The following TMEM67 variants were observed in gnomAD, a reference collection of about 807,000 sequenced individuals.
TMEM67 encodes meckelin.
TMEM67 carries 124 observed loss-of-function variants against 136.6 expected under a neutral mutation model. The observed-to-expected ratio is 0.91, with a 90% CI of 0.78 to 1.05. The LOEUF is 1.05. TMEM67 is among the 50% of genes least tolerant of loss of function. TMEM67 has a pLI of 0.00. For missense variants in TMEM67, 1,107 were observed against 1,178.4 expected (o/e 0.94, Z 0.89); for synonymous variants, 364 against 390.5 (o/e 0.93, Z 0.80).
intron 26 of TMEM67, 159 bp downstream of exon 26, chr8:93,810,046 G>C: frequency 2.1e-6 from 1 of 477,432 alleles, no homozygotes; most frequent in South Asian, 2.5e-5. Flanking sequence ...TCAGCTTACT[G>C]CAAGCTCCGC....
chr8:93,765,780 A>G (rs1315477798), intron 6 of TMEM67, 134 bp downstream of exon 6: 19 of 707,174 alleles, frequency 2.7e-5, no homozygotes, highest in Middle Eastern at 3.7e-4. Flanking sequence ...TCTAAGAAAC[A>G]TTAGTCTAAT....
chr8:93,795,205 C>T, intron 16 of TMEM67: 1 of 605,786 alleles, frequency 1.7e-6, no homozygotes, highest in Non-Finnish European at 2.9e-6. Flanking sequence ...AAGAGGCTAC[C>T]AGGAACGGCC....
intron 13 of TMEM67, among the ~76,000 whole-genome samples, chr8:93,786,583 G>C (rs547079236): frequency 2.0e-5 from 3 of 152,324 alleles, no homozygotes; most frequent in African/African-American, 7.2e-5. Context: ...CTCTAGACCT[G>C]CTGAATTAGA....
In TMEM67 at chr8:93,781,864, T is replaced by C. The variant is rs187422858; in HGVS notation, c.1065+120T>C. 511 of 544,210 alleles carry C rather than the reference T, an allele frequency of 9.4e-4. 2 individuals are homozygous for C. The highest frequency in any genetic ancestry group is 1.3e-3 in the Non-Finnish European group (395 of 312,466). 33.7% of individuals were successfully genotyped at this position (544,210 alleles called of 1,614,324 possible). A position where few individuals can be genotyped will look rare whatever the true frequency, so the allele number is the denominator to read the frequency against. On this transcript the variant is annotated intron_variant, in intron 10 of 27. Transcript: ENST00000453321. ...GTTACATACTACAGTTGATTTTTTTTCTGATGCTTTAAATTAGACTTTCTT... is the reference window on the plus strand; with the variant it reads ...GTTACATACTACAGTTGATTTTTTTCCTGATGCTTTAAATTAGACTTTCTT...
chr8:93,761,014 T>A (rs1021454894), intron 3 of TMEM67, among the ~76,000 whole-genome samples: 3 of 152,194 alleles, frequency 2.0e-5, no homozygotes, highest in Admixed American at 1.3e-4. Flanking sequence ...CCAGATTTTA[T>A]TATAAAATTT....
chr8:93,789,498 A>G (rs573907726), intron 14 of TMEM67, among the ~76,000 whole-genome samples: 1 of 152,046 alleles, frequency 6.6e-6, no homozygotes, highest in South Asian at 2.1e-4. Flanking sequence ...ATACAAAATC[A>G]GCCAGGCATG....
Position 93,755,751 on chromosome 8 carries a change from C to CT in TMEM67, c.224-3dup, listed in dbSNP as rs587779735. The CT allele has an allele frequency of 0.076, 47,986 of 627,798 alleles. 175 individuals are homozygous for CT. The highest frequency in any genetic ancestry group is 0.13 in the South Asian group (5,586 of 44,564). 38.9% of individuals were successfully genotyped at this position (627,798 alleles called of 1,614,324 possible). On this transcript the variant is annotated intron_variant, in intron 1 of 27. Transcript: ENST00000453321. ...TTTTATTTATCAAGGATAAAATTGG[C>CT]TTTTTTTTTTTTTTTTTTTTTTTTA...
intron 7 of TMEM67, among the ~76,000 whole-genome samples, chr8:93,777,033 G>A (rs975716918): frequency 2.0e-5 from 3 of 152,174 alleles, no homozygotes; most frequent in Non-Finnish European, 4.4e-5. Context: ...TTCAGATGCT[G>A]TTGTTGGTCT....
At chr8:93,818,537 GT>G (rs920638444), downstream of TMEM67, among the ~76,000 whole-genome samples, 3 of 151,998 alleles carry the variant, frequency 2.0e-5, no homozygotes, top group South Asian at 2.1e-4. Context: ...TGAAGCATGT[GT>G]TTTTTTTGTA....
chr8:93,755,228 C>A, intron 1 of TMEM67, 91 bp downstream of exon 1: 1 of 1,257,284 alleles, frequency 8.0e-7, no homozygotes, highest in Non-Finnish European at 1.2e-6. Flanking sequence ...CCATGTTGAT[C>A]AGGCTAGTCT....
intron 14 of TMEM67, among the ~76,000 whole-genome samples, chr8:93,790,236 T>G (rs1244886978): frequency 6.6e-6 from 1 of 152,222 alleles, no homozygotes; most frequent in Non-Finnish European, 1.5e-5. Context: ...CTTTATCTGG[T>G]CTTGAGCAGA....
chr8:93,822,916 C>G (rs185014901), downstream of TMEM67, among the ~76,000 whole-genome samples: 1 of 152,274 alleles, frequency 6.6e-6, no homozygotes, highest in East Asian at 1.9e-4. Context: ...AAAAATCAAA[C>G]TCTTATCTAA....
intron 14 of TMEM67, 107 bp downstream of exon 14, chr8:93,788,056 A>C: frequency 1.2e-6 from 1 of 810,652 alleles, no homozygotes. Context: ...TTAAGTTCTA[A>C]ATAAACCTTT....
At position 93,817,905 on chromosome 8, in the gene TMEM67, A is replaced by G. The variant is rs1260220482; in HGVS notation, c.*1453A>G. On this transcript the variant is annotated 3_prime_UTR_variant, in exon 28 of 28. Coordinates refer to ENST00000453321, the MANE Select transcript of TMEM67 (RefSeq NM_153704.6). Reference sequence around the variant, plus strand: ...TACTTATATGGCATGGATATTTAAAACCACTCACTCAGAAGCATATGAAAG... The same window carrying G: ...TACTTATATGGCATGGATATTTAAAGCCACTCACTCAGAAGCATATGAAAG... 1 of 152,230 alleles carries G rather than the reference A, an allele frequency of 6.6e-6. No individual in the cohort carries two copies. Among genetic ancestry groups the G allele is most frequent in the East Asian group, 1.9e-4 (1 of 5,204 alleles). 9.4% of individuals were successfully genotyped at this position (152,230 alleles called of 1,614,324 possible). A position where few individuals can be genotyped will look rare whatever the true frequency, so the allele number is the denominator to read the frequency against.
At chr8:93,794,932 T>C (rs1814539381) in intron 16 of TMEM67, 2 of 182,692 alleles carry the variant, frequency 1.1e-5, no homozygotes, top group South Asian at 2.3e-4. Flanking sequence ...GGTTAGTCAT[T>C]GACTACATGG....
chr8:93,797,321 T>G lies in TMEM67; in HGVS notation c.1961-10T>G. The G allele has an allele frequency of 6.2e-7, 1 of 1,614,152 alleles. No homozygotes were observed. The highest frequency in any genetic ancestry group is 8.5e-7 in the Non-Finnish European group (1 of 1,179,984). ...TAAAACTCTTTTACTCATTTTATTT[T>G]CCTGACCAGGTGAGGGTGGTGTACG... is the stretch of plus-strand genomic sequence containing the variant. On this transcript the variant is annotated splice_polypyrimidine_tract_variant and intron_variant, in intron 19 of 27. Coordinates refer to ENST00000453321, the MANE Select transcript of TMEM67 (RefSeq NM_153704.6).
In TMEM67 at chr8:93,754,955, G is replaced by T; in HGVS notation, c.41G>T (p.Trp14Leu). 6.2e-7 allele frequency: 1 copy of T among 1,614,108 alleles called. No homozygotes were observed. Among genetic ancestry groups the T allele is most frequent in the Non-Finnish European group, 8.5e-7 (1 of 1,180,032 alleles). Residue 14 changes from tryptophan (W) to leucine (L), a missense_variant, in exon 1 of 28, where the codon TGG (tryptophan) becomes TTG (leucine). Coordinates refer to ENST00000453321, the MANE Select transcript of TMEM67 (RefSeq NM_153704.6). ...RGGAGVAMAV[W>L]SLLSARAVTA... Reference sequence around the variant, plus strand: ...GGGGCTGGGGTGGCAATGGCGGTTTGGTCCCTCTTATCCGCCCGGGCCGTG... The same window carrying T: ...GGGGCTGGGGTGGCAATGGCGGTTTTGTCCCTCTTATCCGCCCGGGCCGTG...
At chr8:93,771,904 T>C (rs974977355) in intron 6 of TMEM67, among the ~76,000 whole-genome samples, 5 of 152,268 alleles carry the variant, frequency 3.3e-5, no homozygotes, top group African/African-American at 1.2e-4. Context: ...GGTGCCATGT[T>C]CATATAATTT....
At chr8:93,773,954 T>C (rs1441827140) in intron 7 of TMEM67, among the ~76,000 whole-genome samples, 1 of 152,280 alleles carries the variant, frequency 6.6e-6, no homozygotes, top group African/African-American at 2.4e-5. Flanking sequence ...ATTTTCTCCT[T>C]AAGCTAGAGG....
Sources: gnomAD v4.1 joint callset for allele counts (sites outside exome capture counted in the v4.1 genomes callset) on GRCh38, gnomAD v4.1.1 for gene constraint, MANE v1.5 for transcripts, NCBI Gene and HGNC (gene_info 2026-07-23, HGNC 2026-07-21) for gene names.